Variants in TBC1D19 observed in about 807,000 individuals in gnomAD.
The protein encoded by TBC1D19 is TBC1 domain family, member 19.
In TBC1D19, 60 loss-of-function variants were observed where a neutral mutation model predicts 89.0. The ratio of observed to expected loss-of-function variants is 0.67; its 90% CI spans 0.55 to 0.84. TBC1D19 has a LOEUF of 0.84. Among genes scored for constraint, TBC1D19 ranks in the 40% least tolerant of loss-of-function variants. The pLI is 0.00. For synonymous variants in TBC1D19, 189 were observed against 199.7 expected (o/e 0.95, Z 0.45); for missense variants, 500 against 610.8 (o/e 0.82, Z 1.91).
At chr4:26,584,388 C>T (rs1230502571) in intron 1 of TBC1D19, 96 bp downstream of exon 1, 9 of 1,077,138 alleles carry the variant, frequency 8.4e-6, no homozygotes, top group African/African-American at 1.6e-5. Context: ...CGCCTCTGAC[C>T]TCTCCAGCTC....
chr4:26,810,555 A>T, the TBC1D19 span, among the ~76,000 whole-genome samples: 2,981 of 152,160 alleles, frequency 0.02, 48 homozygotes, highest in African/African-American at 0.05. Context: ...AGCCACAGTC[A>T]GTTCATTGCA....
intron 15 of TBC1D19, among the ~76,000 whole-genome samples, chr4:26,728,566 A>C (rs937699597): frequency 2.6e-5 from 4 of 152,238 alleles, no homozygotes; most frequent in African/African-American, 9.6e-5. Context: ...AATATAGAGA[A>C]AGACTTGAAA....
At chr4:26,579,531 T>C (rs1739029873), upstream of TBC1D19, among the ~76,000 whole-genome samples, 1 of 152,028 alleles carries the variant, frequency 6.6e-6, no homozygotes, top group Non-Finnish European at 1.5e-5. Context: ...CCGGGATACC[T>C]GTGCAGAATG....
intron 4 of TBC1D19, among the ~76,000 whole-genome samples, chr4:26,625,680 G>A (rs546269908): frequency 2.6e-5 from 4 of 152,122 alleles, no homozygotes; most frequent in South Asian, 2.1e-4. Context: ...GATGACTTTC[G>A]CAGTTTTGAG....
chr4:26,624,110 C>T (rs1436712238), intron 4 of TBC1D19, among the ~76,000 whole-genome samples: 1 of 152,154 alleles, frequency 6.6e-6, no homozygotes, highest in African/African-American at 2.4e-5. Context: ...TTATAACTGT[C>T]CTATGTGCCT....
At chr4:26,826,461 GA>G in the TBC1D19 span, among the ~76,000 whole-genome samples, 6,652 of 152,082 alleles carry the variant, frequency 0.044, 415 homozygotes, top group East Asian at 0.16. Context: ...TTAGAGGGGG[GA>G]AAAATAAGTG....
chr4:26,779,856 C>G, the TBC1D19 span, among the ~76,000 whole-genome samples: 2 of 152,334 alleles, frequency 1.3e-5, no homozygotes, highest in South Asian at 4.1e-4. Flanking sequence ...ACCCAAGCAA[C>G]TGTCATCAGC....
intron 15 of TBC1D19, among the ~76,000 whole-genome samples, chr4:26,728,940 G>A (rs2109290507): frequency 6.6e-6 from 1 of 152,298 alleles, no homozygotes; most frequent in South Asian, 2.1e-4. Flanking sequence ...GCCTGAACCC[G>A]GGAGGCGGAG....
intron 1 of TBC1D19, among the ~76,000 whole-genome samples, chr4:26,594,865 G>A (rs1041348981): frequency 7.9e-5 from 12 of 152,176 alleles, no homozygotes; most frequent in South Asian, 6.2e-4. Flanking sequence ...GTGAGACTCC[G>A]TCTCAAAAAC....
At chr4:26,775,986 G>T in the TBC1D19 span, among the ~76,000 whole-genome samples, 31 of 152,088 alleles carry the variant, frequency 2.0e-4, no homozygotes, top group African/African-American at 7.0e-4. Flanking sequence ...GCCACTTCAA[G>T]GAGTAAAGTT....
chr4:26,584,183 G>A lies in TBC1D19; in HGVS notation c.-11G>A, dbSNP rs1366388447. 3 of 1,606,194 alleles carry A rather than the reference G, an allele frequency of 1.9e-6. No homozygotes were observed. Among genetic ancestry groups the A allele is most frequent in the Non-Finnish European group, 2.5e-6 (3 of 1,177,410 alleles). On this transcript the variant is annotated 5_prime_UTR_variant, in exon 1 of 21. Coordinates refer to ENST00000264866, the MANE Select transcript of TBC1D19 (RefSeq NM_018317.4). ...CCTGTCCCCGCGGCTTGGCGGGCTAGGGCAGGGGAAATGTTGCAGGAGGAG... is the reference window on the plus strand; with the variant it reads ...CCTGTCCCCGCGGCTTGGCGGGCTAAGGCAGGGGAAATGTTGCAGGAGGAG...
intron 7 of TBC1D19, among the ~76,000 whole-genome samples, chr4:26,651,410 T>G (rs1329230121): frequency 6.6e-6 from 1 of 152,208 alleles, no homozygotes; most frequent in Admixed American, 6.5e-5. Flanking sequence ...GGTTTGTAGT[T>G]CTCCTTCAAG....
chr4:26,583,907 T>C (rs1394476589), upstream of TBC1D19: 5 of 415,338 alleles, frequency 1.2e-5, no homozygotes, highest in African/African-American at 2.0e-5. Flanking sequence ...AAGAATGAGC[T>C]TTCTTGCCTT....
At chr4:26,815,035 A>AG in the TBC1D19 span, among the ~76,000 whole-genome samples, 1 of 151,684 alleles carries the variant, frequency 6.6e-6, no homozygotes, top group Non-Finnish European at 1.5e-5. Context: ...AAAAAAAAAA[A>AG]CCAAATAAAT....
intron 19 of TBC1D19, among the ~76,000 whole-genome samples, chr4:26,750,999 G>A (rs949274600): frequency 1.3e-5 from 2 of 152,078 alleles, no homozygotes; most frequent in Non-Finnish European, 2.9e-5. Flanking sequence ...TAATGTTCTC[G>A]ATAGAATTGC....
the TBC1D19 span, among the ~76,000 whole-genome samples, chr4:26,838,510 G>A: frequency 6.6e-6 from 1 of 152,146 alleles, no homozygotes; most frequent in African/African-American, 2.4e-5. Flanking sequence ...CATCGCTTGT[G>A]TTCTTACATA....
At chr4:26,645,849 C>T (rs113783313) in intron 7 of TBC1D19, among the ~76,000 whole-genome samples, 6,475 of 151,716 alleles carry the variant, frequency 0.043, 462 homozygotes, top group African/African-American at 0.15. Context: ...AAGGGCCGGG[C>T]GCGGTGGCTC....
At chr4:26,751,716 T>G (rs1718977008) in intron 19 of TBC1D19, among the ~76,000 whole-genome samples, 1 of 152,188 alleles carries the variant, frequency 6.6e-6, no homozygotes, top group East Asian at 1.9e-4. Context: ...CTGTCCAAAA[T>G]CTCTAGTCCC....
intron 1 of TBC1D19, among the ~76,000 whole-genome samples, chr4:26,590,182 A>G (rs983461187): frequency 7.9e-5 from 12 of 152,192 alleles, no homozygotes; most frequent in African/African-American, 2.9e-4. Context: ...TTGTCCTTGA[A>G]GGAGCTTGTT....
Sources: gnomAD v4.1 joint callset for allele counts (sites outside exome capture counted in the v4.1 genomes callset) on GRCh38, gnomAD v4.1.1 for gene constraint, MANE v1.5 for transcripts, NCBI Gene and HGNC (gene_info 2026-07-23, HGNC 2026-07-21) for gene names.